TCF4: variants seen among roughly 807,000 people sequenced by gnomAD.
The protein encoded by TCF4 is transcription factor 4, also known as SL3-3 enhancer factor 2.
Under a neutral mutation model 82.1 loss-of-function variants are expected in TCF4, and 3 were observed. That is an observed-to-expected ratio of 0.04 (90% CI 0.02 to 0.09). TCF4 has a LOEUF of 0.09. Ranked by LOEUF, TCF4 falls within the 10% of genes least tolerant of loss-of-function variation. The probability of loss-of-function intolerance (pLI) is 1.00; values close to 1 mark genes in which losing one functional copy is unlikely to be tolerated. For synonymous variants in TCF4, 276 were observed against 309.6 expected, an observed-to-expected ratio of 0.89 and a Z score of 1.14; for missense variants, 518 against 852.7, an observed-to-expected ratio of 0.61 and a Z score of 4.89.
chr18:55,228,351 C>G lies in TCF4; in HGVS notation c.1890G>C (p.Leu630=), dbSNP rs2046925203. The G allele has an allele frequency of 6.2e-7, 1 of 1,613,960 alleles. No homozygotes were observed. Among genetic ancestry groups the G allele is most frequent in the Admixed American group, 1.7e-5 (1 of 60,010 alleles). ...TTTTCAGACACGCAGCTTTCGGATT[C>G]AGATTCCTTTCTGTGGAGGATTAAA... ...SLEQQVRERN[L]NPKAACLKRR... The change falls in exon 19 of 20, where the codon CTG becomes CTC. Residue 630 remains leucine, a synonymous_variant. Coordinates refer to ENST00000354452, the MANE Select transcript of TCF4 (RefSeq NM_001083962.2).
At chr18:55,309,049 A>T (rs2071333434) in intron 8 of TCF4, among the ~76,000 whole-genome samples, 1 of 152,152 alleles carries the variant, frequency 6.6e-6, no homozygotes, top group Non-Finnish European at 1.5e-5. Flanking sequence ...CAAGGAAGTG[A>T]TCTTTTTAAA....
chr18:55,588,709 C>G, upstream of TCF4: 3 of 1,304,462 alleles, frequency 2.3e-6, 1 homozygote, highest in South Asian at 7.4e-5. Flanking sequence ...TTTTCTTTTT[C>G]GTCTATAAAT....
intron 13 of TCF4, 133 bp downstream of exon 13, chr18:55,259,816 T>C (rs770823236): frequency 1.3e-6 from 1 of 761,848 alleles, no homozygotes; most frequent in African/African-American, 1.7e-5. Flanking sequence ...CCCTTTGTAT[T>C]TGTCTGTTAT....
intron 5 of TCF4, among the ~76,000 whole-genome samples, chr18:55,450,129 G>A (rs1483223882): frequency 6.6e-6 from 1 of 152,208 alleles, no homozygotes; most frequent in East Asian, 1.9e-4. Context: ...GAACTGGAGA[G>A]TGGTGAGCTG....
chr18:55,410,909 T>C (rs1386290277), intron 5 of TCF4, among the ~76,000 whole-genome samples: 3 of 152,140 alleles, frequency 2.0e-5, no homozygotes, highest in African/African-American at 7.2e-5. Flanking sequence ...AATAAAAATA[T>C]TGTCCTAGAT....
intron 5 of TCF4, 34 bp from the exon 6 acceptor site, chr18:55,403,552 T>C (rs373897135): frequency 1.2e-4 from 188 of 1,613,684 alleles, no homozygotes; most frequent in Non-Finnish European, 1.6e-4. Context: ...GTGTAAATTG[T>C]GTTTTTCCTT....
chr18:55,312,857 A>G (rs545999756), intron 8 of TCF4, among the ~76,000 whole-genome samples: 2 of 152,286 alleles, frequency 1.3e-5, no homozygotes, highest in Admixed American at 1.3e-4. Flanking sequence ...AGTTTTTAAT[A>G]CGGCACAGGT....
chr18:55,621,887 CATTATAT>C (rs1350014254), intron 2 of TCF4, among the ~76,000 whole-genome samples: 1 of 101,818 alleles, frequency 9.8e-6, no homozygotes, highest in Non-Finnish European at 1.8e-5. Flanking sequence ...ATAATATATA[CATTATAT>C]ATTATATATA....
At chr18:55,563,834 A>T (rs969363280) in intron 3 of TCF4, among the ~76,000 whole-genome samples, 3 of 152,262 alleles carry the variant, frequency 2.0e-5, no homozygotes, top group Non-Finnish European at 4.4e-5. Context: ...TGCAAATGCA[A>T]AAATTATAAT....
chr18:55,341,906 C>T (rs778320877), intron 8 of TCF4, among the ~76,000 whole-genome samples: 51 of 152,198 alleles, frequency 3.4e-4, no homozygotes, highest in South Asian at 1.9e-3. Context: ...CAAATTGTGA[C>T]GCAAGTGACA....
At chr18:55,510,561 A>C in intron 3 of TCF4, 1 of 1,475,196 alleles carries the variant, frequency 6.8e-7, no homozygotes, top group Non-Finnish European at 9.0e-7. Flanking sequence ...TTAAAATACA[A>C]GTTACATAAA....
chr18:55,351,922 G>C (rs1480987580), intron 6 of TCF4: 1 of 832,608 alleles, frequency 1.2e-6, no homozygotes, highest in Admixed American at 6.3e-5. Flanking sequence ...ATTTAATAAA[G>C]AAATTTTAAA....
intron 1 of TCF4, among the ~76,000 whole-genome samples, chr18:55,634,084 C>A (rs532681136): frequency 6.6e-6 from 1 of 152,200 alleles, no homozygotes; most frequent in Non-Finnish European, 1.5e-5. Flanking sequence ...GCCTGGCCAA[C>A]ATGATGAAAC....
At chr18:55,229,363 C>G (rs1477827623) in intron 17 of TCF4, 2 of 468,576 alleles carry the variant, frequency 4.3e-6, no homozygotes, top group Admixed American at 3.4e-5. Flanking sequence ...TACAGGGGGG[C>G]AGAAAGGGAA....
At chr18:55,391,269 G>A (rs2093064738) in intron 6 of TCF4, among the ~76,000 whole-genome samples, 1 of 152,182 alleles carries the variant, frequency 6.6e-6, no homozygotes, top group South Asian at 2.1e-4. Context: ...CCAGGGATGG[G>A]ACTTCAAAGC....
At chr18:55,365,039 C>T (rs1196753074) in intron 6 of TCF4, among the ~76,000 whole-genome samples, 1 of 150,216 alleles carries the variant, frequency 6.7e-6, no homozygotes, top group Non-Finnish European at 1.5e-5. Flanking sequence ...TGTAGTGCCA[C>T]CTACTCAAGA....
Position 55,568,948 on chromosome 18 carries a change from C to T in TCF4, c.145+16332G>A, listed in dbSNP as rs577059836. On this transcript the variant is annotated intron_variant, in intron 3 of 19. Coordinates refer to ENST00000354452, the MANE Select transcript of TCF4 (RefSeq NM_001083962.2). ...AGGTGGCTTACCACAGGAAAATATA[C>T]GGATGTCACTCACGACATTAACAGA... Among the ~76,000 whole-genome samples, 263 of 152,150 alleles carry T rather than the reference C, an allele frequency of 1.7e-3. 1 individual carries two copies. In the South Asian group the frequency reaches 0.024, roughly 14 times the overall value.
At chr18:55,566,044 C>CA (rs1165991030) in intron 3 of TCF4, among the ~76,000 whole-genome samples, 4,579 of 71,300 alleles carry the variant, frequency 0.064, 159 homozygotes, top group African/African-American at 0.13. Context: ...ACTAAAAATA[C>CA]AAAAAAAAAA....
At chr18:55,600,261 C>T (rs2097695444) in intron 2 of TCF4, among the ~76,000 whole-genome samples, 1 of 152,194 alleles carries the variant, frequency 6.6e-6, no homozygotes, top group African/African-American at 2.4e-5. Context: ...TGCTAGGTCA[C>T]AGATAGGCAC....
Sources: allele counts gnomAD v4.1 joint callset (sites outside exome capture counted in the v4.1 genomes callset), GRCh38; gene constraint gnomAD v4.1.1; transcripts MANE v1.5; gene names NCBI Gene and HGNC (gene_info 2026-07-23, HGNC 2026-07-21).